Variants in CTPS2 observed in about 807,000 individuals in gnomAD.
The protein encoded by CTPS2 is CTP synthase II.
Under a neutral mutation model 46.8 loss-of-function variants are expected in CTPS2, and 19 were observed. The ratio of observed to expected loss-of-function variants is 0.41; its 90% CI spans 0.28 to 0.60. The LOEUF (loss-of-function observed/expected upper bound fraction) is 0.60. Among genes scored for constraint, CTPS2 ranks in the 20% least tolerant of loss-of-function variants. CTPS2 has a pLI of 0.35. For synonymous variants in CTPS2, 151 were observed against 165.2 expected (o/e 0.91, Z 0.66); for missense variants, 286 against 447.6 (o/e 0.64, Z 3.26).
At chrX:16,657,925 G>T (rs1455394898) in intron 13 of CTPS2, among the ~76,000 whole-genome samples, 2 of 111,859 alleles carry the variant, frequency 1.8e-5, no homozygotes, top group Non-Finnish European at 3.8e-5. Context: ...TAGAAAGGTG[G>T]CCGGGCGCAG....
chrX:16,602,798 A>G (rs1306546303), intron 17 of CTPS2, among the ~76,000 whole-genome samples: 1 of 112,112 alleles, frequency 8.9e-6, no homozygotes, highest in African/African-American at 3.2e-5. Context: ...TGACATCTAC[A>G]TTTTTAATTG....
chrX:16,638,811 C>G (rs1256624080), intron 14 of CTPS2: 1 of 402,285 alleles, frequency 2.5e-6, no homozygotes, highest in Non-Finnish European at 4.9e-6. Context: ...TTCAAAAGAA[C>G]TGAGTGTGAA....
intron 9 of CTPS2, among the ~76,000 whole-genome samples, chrX:16,680,705 G>A (rs1366090263): frequency 9.0e-6 from 1 of 110,592 alleles, no homozygotes; most frequent in Non-Finnish European, 1.9e-5. Flanking sequence ...TGGGGCGGGC[G>A]ACTTGAAGGA....
intron 2 of CTPS2, 28 bp from the exon 3 acceptor site, chrX:16,699,121 C>A: frequency 9.4e-7 from 1 of 1,060,134 alleles, no homozygotes; most frequent in Non-Finnish European, 1.2e-6. Context: ...ATGGAAAAAT[C>A]AAAACTTTGC....
chrX:16,670,475 A>C, intron 11 of CTPS2, 105 bp downstream of exon 11: 1 of 591,076 alleles, frequency 1.7e-6, no homozygotes, highest in Non-Finnish European at 2.7e-6. Flanking sequence ...CTGAACTTTC[A>C]AATCCGAGTT....
intron 13 of CTPS2, among the ~76,000 whole-genome samples, chrX:16,649,440 T>TA (rs1932492130): frequency 8.9e-6 from 1 of 112,464 alleles, no homozygotes; most frequent in Non-Finnish European, 1.9e-5. Context: ...CAGAAGGACT[T>TA]CAATGGCCAT....
chrX:16,657,165 C>T (rs1181021860), intron 13 of CTPS2, among the ~76,000 whole-genome samples: 4 of 106,132 alleles, frequency 3.8e-5, no homozygotes, highest in Non-Finnish European at 7.7e-5. Flanking sequence ...GCTGGGATTA[C>T]AGGCATGAGC....
At chrX:16,675,810 A>G (rs1022675389) in intron 10 of CTPS2, among the ~76,000 whole-genome samples, 2 of 112,309 alleles carry the variant, frequency 1.8e-5, no homozygotes, top group African/African-American at 3.2e-5. Context: ...AAAATCTTTC[A>G]GGACTCTCAT....
chrX:16,651,944 G>A (rs1932662083), intron 13 of CTPS2, among the ~76,000 whole-genome samples: 1 of 110,031 alleles, frequency 9.1e-6, no homozygotes, highest in Non-Finnish European at 1.9e-5. Context: ...ACTGAAACGT[G>A]TTCTTGCCAT....
chrX:16,703,237 C>T lies in CTPS2; in HGVS notation c.-39-296G>A, dbSNP rs942021642. On this transcript the variant is annotated intron_variant, in intron 1 of 18. Coordinates refer to ENST00000359276, the MANE Select transcript of CTPS2 (RefSeq NM_175859.3). ...AGACGGAGTTTCACCATGTTGCCCACGCTGGTCTCCAACTCCTGAGCTCAA... is the reference window on the plus strand; with the variant it reads ...AGACGGAGTTTCACCATGTTGCCCATGCTGGTCTCCAACTCCTGAGCTCAA... 8.2e-5 allele frequency among the ~76,000 whole-genome samples: 9 copies of T among 109,784 alleles called. No homozygotes were observed. In the East Asian group the frequency reaches 1.4e-3, roughly 18 times the overall value.
At chrX:16,669,042 G>A (rs1298495020) in intron 11 of CTPS2, among the ~76,000 whole-genome samples, 1 of 111,456 alleles carries the variant, frequency 9.0e-6, no homozygotes, top group African/African-American at 3.3e-5. Flanking sequence ...CAGGACGTCA[G>A]GCTGCTAACC....
At chrX:16,633,083 T>C (rs1931565486) in intron 14 of CTPS2, among the ~76,000 whole-genome samples, 1 of 61,410 alleles carries the variant, frequency 1.6e-5, no homozygotes, top group Non-Finnish European at 3.0e-5. Flanking sequence ...TCTTTTCTTT[T>C]GTTTTTTTTT....
Position 16,685,723 on chromosome X carries a change from C to T in CTPS2, c.873-2497G>A, listed in dbSNP as rs1392121198. On this transcript the variant is annotated intron_variant, in intron 8 of 18. Transcript: ENST00000359276. ...AAAATACAAAAAAAAAAAAATTAGC[C>T]GGGCGTGGTGGTGGGCGCCTGTAGT... Among the ~76,000 whole-genome samples, 3 of 106,884 alleles carry T rather than the reference C, an allele frequency of 2.8e-5. No individual in the cohort carries two copies. The East Asian group carries it at 8.8e-4, about 31-fold the overall frequency. The allele number at this position is 106,884 out of a possible 115,157, so 92.8% of individuals were successfully genotyped here. A position where few individuals can be genotyped will look rare whatever the true frequency, so the allele number is the denominator to read the frequency against.
chrX:16,680,700 C>T (rs138884489), intron 9 of CTPS2, among the ~76,000 whole-genome samples: 2,146 of 110,090 alleles, frequency 0.019, 26 homozygotes, highest in Non-Finnish European at 0.03. Context: ...CATAATGGGG[C>T]GGGCGACTTG....
chrX:16,677,530 G>C (rs1922380201), intron 10 of CTPS2, among the ~76,000 whole-genome samples: 1 of 111,364 alleles, frequency 9.0e-6, no homozygotes, highest in Admixed American at 9.6e-5. Context: ...ATAAAAGGGA[G>C]AGGGGAAATA....
chrX:16,653,179 T>C (rs1401786190), intron 13 of CTPS2, among the ~76,000 whole-genome samples: 1 of 111,053 alleles, frequency 9.0e-6, no homozygotes, highest in African/African-American at 3.3e-5. Context: ...GTTTTCTAAG[T>C]AGTATTTTGC....
At chrX:16,637,566 A>T (rs1051562800) in intron 14 of CTPS2, among the ~76,000 whole-genome samples, 1 of 112,479 alleles carries the variant, frequency 8.9e-6, no homozygotes, top group African/African-American at 3.2e-5. Flanking sequence ...ATTGAGTACA[A>T]TGCTCTTTTT....
At chrX:16,677,116 T>G (rs1259483100) in intron 10 of CTPS2, among the ~76,000 whole-genome samples, 2 of 109,575 alleles carry the variant, frequency 1.8e-5, no homozygotes, top group Admixed American at 9.8e-5. Flanking sequence ...GGATCAGTAT[T>G]CTAATTCTGG....
chrX:16,647,017 A>G (rs1172153277), intron 13 of CTPS2, among the ~76,000 whole-genome samples: 1 of 111,084 alleles, frequency 9.0e-6, no homozygotes, highest in Non-Finnish European at 1.9e-5. Flanking sequence ...GTCTCCATAT[A>G]TTTTTAGTTA....
Sources: gnomAD v4.1 joint callset for allele counts (sites outside exome capture counted in the v4.1 genomes callset) on GRCh38, gnomAD v4.1.1 for gene constraint, MANE v1.5 for transcripts, NCBI Gene and HGNC (gene_info 2026-07-23, HGNC 2026-07-21) for gene names.